The following TIMMDC1 variants were observed in gnomAD, a reference collection of about 807,000 sequenced individuals.
The protein encoded by TIMMDC1 is translocase of inner mitochondrial membrane domain containing 1.
Under a neutral mutation model 32.6 loss-of-function variants are expected in TIMMDC1, and 25 were observed. The ratio of observed to expected loss-of-function variants is 0.77; its 90% CI spans 0.56 to 1.07. The LOEUF is 1.07. TIMMDC1 is among the 50% of genes least tolerant of loss of function. The pLI, the probability that TIMMDC1 is intolerant of heterozygous loss-of-function variation, is 0.00. For missense variants in TIMMDC1, 329 were observed against 349.2 expected, an observed-to-expected ratio of 0.94 and a Z score of 0.46; for synonymous variants, 130 against 127.6, an observed-to-expected ratio of 1.02 and a Z score of -0.13.
At chr3:119,500,430 G>T in intron 1 of TIMMDC1, 1 of 349,886 alleles carries the variant, frequency 2.9e-6, no homozygotes, top group Non-Finnish European at 5.1e-6. Flanking sequence ...GGCAACTATT[G>T]TAACATCCCA....
intron 6 of TIMMDC1, among the ~76,000 whole-genome samples, chr3:119,518,494 C>T (rs1349733387): frequency 6.7e-6 from 1 of 149,374 alleles, no homozygotes; most frequent in Non-Finnish European, 1.5e-5. Flanking sequence ...ATTGAGGTTG[C>T]AGTGAGCTGA....
intron 2 of TIMMDC1, 25 bp from the exon 3 acceptor site, chr3:119,503,507 C>G (rs2081894086): frequency 6.4e-7 from 1 of 1,565,372 alleles, no homozygotes; most frequent in East Asian, 2.3e-5. Flanking sequence ...GTCTTAGAAC[C>G]TCACAGTTTT....
intron 2 of TIMMDC1, 43 bp downstream of exon 2, chr3:119,500,903 A>G: frequency 1.3e-6 from 2 of 1,581,406 alleles, no homozygotes; most frequent in Non-Finnish European, 1.7e-6. Context: ...ACACTGACTT[A>G]GTAATTCACT....
At chr3:119,523,103 T>G (rs1338425714) in intron 6 of TIMMDC1, among the ~76,000 whole-genome samples, 1 of 152,226 alleles carries the variant, frequency 6.6e-6, no homozygotes, top group Non-Finnish European at 1.5e-5. Context: ...ATTTGGAAAT[T>G]AGTTTTTAAC....
intron 4 of TIMMDC1, among the ~76,000 whole-genome samples, chr3:119,511,188 A>G (rs549354889): frequency 1.3e-5 from 2 of 152,164 alleles, no homozygotes; most frequent in Non-Finnish European, 1.5e-5. Context: ...ATTGAAAAAA[A>G]TTCATGTGGC....
At chr3:119,522,909 C>T (rs1198373190) in intron 6 of TIMMDC1, among the ~76,000 whole-genome samples, 1 of 151,524 alleles carries the variant, frequency 6.6e-6, no homozygotes, top group Non-Finnish European at 1.5e-5. Context: ...GAAAATAATA[C>T]AGGAAAATCA....
Position 119,498,751 on chromosome 3 carries a change from G to C in TIMMDC1, c.18G>C (p.Pro6=), listed in dbSNP as rs946018077. 2 of 1,614,072 alleles carry C rather than the reference G, an allele frequency of 1.2e-6. No individual in the cohort carries two copies. Among genetic ancestry groups the C allele is most frequent in the East Asian group, 2.2e-5 (1 of 44,890 alleles). Residue 6 remains proline, a synonymous_variant, in exon 1 of 7, where the codon CCG becomes CCC. Transcript: ENST00000494664. Reference sequence around the variant, plus strand: ...AGAAGGCCATGGAGGTGCCGCCACCGGCACCGCGGAGCTTTCTCTGTAGAG... The same window carrying C: ...AGAAGGCCATGGAGGTGCCGCCACCCGCACCGCGGAGCTTTCTCTGTAGAG... MEVPP[P]APRSFLCRAL...
At chr3:119,499,422 T>C (rs988060028) in intron 1 of TIMMDC1, among the ~76,000 whole-genome samples, 6 of 147,174 alleles carry the variant, frequency 4.1e-5, no homozygotes, top group Admixed American at 6.8e-5. Context: ...TTCTTTCTTT[T>C]TTTTTTTTTT....
rs757017245 is a variant in TIMMDC1, at chr3:119,503,958, G to C, written c.454G>C (p.Val152Leu). ...CTTCTCCTCCCTTTTTACCAGCACAGTGAACACTAGTCTGAATGTATACCG... is the reference window on the plus strand; with the variant it reads ...CTTCTCCTCCCTTTTTACCAGCACACTGAACACTAGTCTGAATGTATACCG... Reference protein sequence around the residue: ...TAVFVTIFNTVNTSLNVYRNK... With the variant: ...TAVFVTIFNTLNTSLNVYRNK... Residue 152 changes from valine (V) to leucine (L), a missense_variant, in exon 4 of 7, where the codon GTG becomes CTG. Val to Leu is a conservative substitution (Grantham distance 32). Coordinates refer to ENST00000494664, the MANE Select transcript of TIMMDC1 (RefSeq NM_016589.4). The C allele has an allele frequency of 3.1e-6, 5 of 1,612,784 alleles. No individual in the cohort carries two copies. The highest frequency in any genetic ancestry group is 3.4e-6 in the Non-Finnish European group (4 of 1,179,108).
rs1012218386 is a variant in TIMMDC1, at chr3:119,500,174, A to T, written c.195-521A>T. ...CATCCACGTTTTTATTCTTTCATAC[A>T]TTGCCCTAAAATCTCACGAGTTGGT... On this transcript the variant is annotated intron_variant, in intron 1 of 6. Coordinates refer to ENST00000494664, the MANE Select transcript of TIMMDC1 (RefSeq NM_016589.4). 3.3e-5 allele frequency among the ~76,000 whole-genome samples: 5 copies of T among 152,202 alleles called. No homozygotes were observed. The East Asian group carries it at 9.6e-4, about 29-fold the overall frequency.
chr3:119,513,840 A>G (rs2081969466), intron 5 of TIMMDC1, 121 bp downstream of exon 5: 1 of 617,116 alleles, frequency 1.6e-6, no homozygotes, highest in East Asian at 3.2e-5. Context: ...AAAGATCTCT[A>G]GTCTTGCATT....
chr3:119,514,808 A>G (rs1697542930), intron 5 of TIMMDC1, among the ~76,000 whole-genome samples: 1 of 152,204 alleles, frequency 6.6e-6, no homozygotes, highest in African/African-American at 2.4e-5. Flanking sequence ...TTACAAGGCC[A>G]AAGTCAAGGT....
At chr3:119,501,002 TG>T in intron 2 of TIMMDC1, 142 bp downstream of exon 2, 1 of 758,688 alleles carries the variant, frequency 1.3e-6, no homozygotes, top group Non-Finnish European at 2.0e-6. Flanking sequence ...TTAATAACAG[TG>T]GAAGTACTAA....
chr3:119,519,674 C>G (rs1446615002), intron 6 of TIMMDC1, among the ~76,000 whole-genome samples: 2 of 150,804 alleles, frequency 1.3e-5, no homozygotes, highest in African/African-American at 4.8e-5. Context: ...CTGGGGACTT[C>G]AACACCACAC....
At chr3:119,512,224 T>C (rs546144426) in intron 4 of TIMMDC1, among the ~76,000 whole-genome samples, 136 of 152,316 alleles carry the variant, frequency 8.9e-4, no homozygotes, top group Non-Finnish European at 1.6e-3. Context: ...TAATAATATG[T>C]TCTGTGAAAA....
At position 119,523,669 on chromosome 3, in the gene TIMMDC1, T is replaced by G; in HGVS notation, c.771T>G (p.Asp257Glu). The change falls in exon 7 of 7, where the codon GAT becomes GAG. Residue 257 changes from aspartate to glutamate, a missense_variant. Transcript: ENST00000494664. The part of the protein sequence containing the change: ...PEKIESSLQE[D>E]EPENDAKKIE... ...AAATTGAAAGTAGTTTACAGGAAGA[T>G]GAACCTGAGAATGATGCTAAGAAAA... is the stretch of plus-strand genomic sequence containing the variant. 6.2e-7 allele frequency: 1 copy of G among 1,613,652 alleles called. No homozygotes were observed. The highest frequency in any genetic ancestry group is 8.5e-7 in the Non-Finnish European group (1 of 1,179,804).
chr3:119,503,435 C>A, intron 2 of TIMMDC1, 97 bp from the exon 3 acceptor site: 1 of 811,764 alleles, frequency 1.2e-6, no homozygotes, highest in Non-Finnish European at 1.9e-6. Flanking sequence ...TTTGGGTGTA[C>A]CTGACTAATC....
At position 119,523,873 on chromosome 3, in the gene TIMMDC1, G is replaced by A; in HGVS notation, c.*117G>A. 1.0e-6 allele frequency: 1 copy of A among 1,001,216 alleles called. No homozygotes were observed. Among genetic ancestry groups the A allele is most frequent in the Non-Finnish European group, 1.4e-6 (1 of 702,838 alleles). 62.0% of individuals were successfully genotyped at this position (1,001,216 alleles called of 1,614,324 possible). Reference sequence around the variant, plus strand: ...CTGACAAATTTAAGTGCTGGTACCTGTGGTGGCAGTGGCTTGCTCTTGTCT... The same window carrying A: ...CTGACAAATTTAAGTGCTGGTACCTATGGTGGCAGTGGCTTGCTCTTGTCT... On this transcript the variant is annotated 3_prime_UTR_variant, in exon 7 of 7. Transcript: ENST00000494664.
intron 6 of TIMMDC1, among the ~76,000 whole-genome samples, chr3:119,523,064 A>C (rs1374579741): frequency 1.3e-5 from 2 of 152,206 alleles, no homozygotes; most frequent in Non-Finnish European, 2.9e-5. Context: ...AGACACTAAT[A>C]CTTGATTTAG....
Sources: allele counts gnomAD v4.1 joint callset (sites outside exome capture counted in the v4.1 genomes callset), GRCh38; gene constraint gnomAD v4.1.1; transcripts MANE v1.5; gene names NCBI Gene and HGNC (gene_info 2026-07-23, HGNC 2026-07-21).